Variants in TRIP10 observed in about 807,000 individuals in gnomAD.
TRIP10 encodes thyroid hormone receptor interactor 10.
TRIP10 carries 54 observed loss-of-function variants against 80.9 expected under a neutral mutation model. That is an observed-to-expected ratio of 0.67 (90% CI 0.54 to 0.84). TRIP10 has a LOEUF of 0.84. Among genes scored for constraint, TRIP10 ranks in the 40% least tolerant of loss-of-function variants. The pLI, the probability that TRIP10 is intolerant of heterozygous loss-of-function variation, is 0.00. For missense variants in TRIP10, 773 were observed against 815.3 expected, an observed-to-expected ratio of 0.95 and a Z score of 0.63; for synonymous variants, 321 against 307.2, an observed-to-expected ratio of 1.04 and a Z score of -0.47.
At position 6,746,338 on chromosome 19, in the gene TRIP10, G is replaced by T; in HGVS notation, c.1153-114G>T. 1 of 1,536,882 alleles carries T rather than the reference G, an allele frequency of 6.5e-7. No homozygotes were observed. Among genetic ancestry groups the T allele is most frequent in the East Asian group, 2.4e-5 (1 of 42,488 alleles). The stretch of plus-strand genomic sequence containing the variant: ...CCCAGACCTGCTTTGCTCTGTGCAT[G>T]GCTTCGCTGTCAAGAACCATGGCTG... On this transcript the variant is annotated intron_variant, in intron 10 of 14. Coordinates refer to ENST00000313244, the MANE Select transcript of TRIP10 (RefSeq NM_001288962.2). The surrounding 1 kb of genome is among the most constrained non-coding windows in gnomAD (Gnocchi z 6.2).
Position 6,744,604 on chromosome 19 carries a change from T to A in TRIP10, c.693T>A (p.Tyr231Ter), listed in dbSNP as rs1432651872. Residue 231 changes from tyrosine to a stop codon, truncating the protein, a stop_gained, in exon 8 of 15, where the codon TAT becomes TAA. Transcript: ENST00000313244. LOFTEE classifies it high-confidence loss of function. This position sits in a 1 kb window ranked among gnomAD's most constrained non-coding sequence, Gnocchi z 4.9. The stretch of plus-strand genomic sequence containing the variant: ...GGGCCACCCGCCTGGGTGCCGGGTA[T>A]GGGCTCCTGTCGGAGGCCGAGCTGG... ...ERRATRLGAG[Y>*]GLLSEAELEV... is the part of the protein sequence containing the mutation. 6.2e-7 allele frequency: 1 copy of A among 1,614,030 alleles called. No individual in the cohort carries two copies. Among genetic ancestry groups the A allele is most frequent in the Non-Finnish European group, 8.5e-7 (1 of 1,180,006 alleles).
At chr19:6,749,159 C>T (rs1441264753) in intron 11 of TRIP10, among the ~76,000 whole-genome samples, 2 of 152,008 alleles carry the variant, frequency 1.3e-5, no homozygotes, top group Admixed American at 6.6e-5. Flanking sequence ...CCAGGCTGGT[C>T]TTGAACTCCT....
At position 6,750,075 on chromosome 19, in the gene TRIP10, A is replaced by T; in HGVS notation, c.1395+9A>T. ...AAGTGCAGAAGTATGAGGTCAGGAA[A>T]GACCCTGGGGAGGGGCGGGAGCCAG... is the stretch of plus-strand genomic sequence containing the variant. On this transcript the variant is annotated intron_variant, in intron 12 of 14. Coordinates refer to ENST00000313244, the MANE Select transcript of TRIP10 (RefSeq NM_001288962.2). 6.7e-7 allele frequency: 1 copy of T among 1,495,274 alleles called. No individual in the cohort carries two copies. The highest frequency in any genetic ancestry group is 9.0e-7 in the Non-Finnish European group (1 of 1,110,296). The allele number at this position is 1,495,274 out of a possible 1,614,324, so 92.6% of individuals were successfully genotyped here. A position where few individuals can be genotyped will look rare whatever the true frequency, so the allele number is the denominator to read the frequency against.
chr19:6,745,170 C>A lies in TRIP10; in HGVS notation c.984+176C>A. ...GCGGCCGATTGGCCTGGGAGTCCCC[C>A]GAGGCGAAGGCGGGGGCAGGGTGGG... On this transcript the variant is annotated intron_variant, in intron 9 of 14. Transcript: ENST00000313244. This position sits in a 1 kb window ranked among gnomAD's most constrained non-coding sequence, Gnocchi z 7.2. 3 of 883,172 alleles carry A rather than the reference C, an allele frequency of 3.4e-6. No homozygotes were observed. Among genetic ancestry groups the A allele is most frequent in the Non-Finnish European group, 5.0e-6 (3 of 605,990 alleles). The allele number at this position is 883,172 out of a possible 1,614,324, so 54.7% of individuals were successfully genotyped here. A position where few individuals can be genotyped will look rare whatever the true frequency, so the allele number is the denominator to read the frequency against.
Position 6,745,879 on chromosome 19 carries a change from C to G in TRIP10, c.985-150C>G. On this transcript the variant is annotated intron_variant, in intron 9 of 14. Coordinates refer to ENST00000313244, the MANE Select transcript of TRIP10 (RefSeq NM_001288962.2). The surrounding 1 kb of genome is among the most constrained non-coding windows in gnomAD (Gnocchi z 7.2). ...TTGTGGTTTTCTTACCGTTTTTTTT[C>G]TTTCTCCATTTTGTTTTTCCTTTTT... 8.0e-7 allele frequency: 1 copy of G among 1,244,098 alleles called. No homozygotes were observed. Among genetic ancestry groups the G allele is most frequent in the East Asian group, 3.3e-5 (1 of 30,332 alleles). 77.1% of individuals were successfully genotyped at this position (1,244,098 alleles called of 1,614,324 possible).
Position 6,750,248 on chromosome 19 carries a change from C to A in TRIP10, c.1396-44C>A, listed in dbSNP as rs570829167. Reference sequence around the variant, plus strand: ...CCTCTGGGTCCAAAGTGGGCTGACCCCGGAGCTCTGCCCTGGAACGATTTT... The same window carrying A: ...CCTCTGGGTCCAAAGTGGGCTGACCACGGAGCTCTGCCCTGGAACGATTTT... On this transcript the variant is annotated intron_variant, in intron 12 of 14. Coordinates refer to ENST00000313244, the MANE Select transcript of TRIP10 (RefSeq NM_001288962.2). The A allele has an allele frequency of 3.4e-5, 55 of 1,609,194 alleles. No individual in the cohort carries two copies. In the South Asian group the frequency reaches 5.4e-4, roughly 16 times the overall value.
At chr19:6,750,687 A>G in intron 14 of TRIP10, 54 bp downstream of exon 14, 2 of 1,604,092 alleles carry the variant, frequency 1.2e-6, no homozygotes, top group Middle Eastern at 1.7e-4. Context: ...GTCTCTGGCT[A>G]GGTTCAGTTT....
rs1417295949 is a variant in TRIP10, at chr19:6,748,532, T to G, written c.1263-1402T>G. 2.0e-5 allele frequency: 3 copies of G among 152,230 alleles called. No individual in the cohort carries two copies. In the East Asian group the frequency reaches 5.8e-4, roughly 29 times the overall value. 9.4% of individuals were successfully genotyped at this position (152,230 alleles called of 1,614,324 possible). ...GAAGTTGGCAGGGTGCAGTGGTTTA[T>G]GCCTGTAATCCAAGCACTTTGGGAG... On this transcript the variant is annotated intron_variant, in intron 11 of 14. Coordinates refer to ENST00000313244, the MANE Select transcript of TRIP10 (RefSeq NM_001288962.2).
chr19:6,746,017 C>G lies in TRIP10; in HGVS notation c.985-12C>G, dbSNP rs544584084. 23 of 1,048,890 alleles carry G rather than the reference C, an allele frequency of 2.2e-5. 1 individual carries two copies. The East Asian group carries it at 8.4e-4, about 38-fold the overall frequency. 65.0% of individuals were successfully genotyped at this position (1,048,890 alleles called of 1,614,324 possible). ...CCTTCAACCTATCCCCCTCCCCGGC[C>G]CCCGCCGGTAGCCTCGCCCCCCACC... On this transcript the variant is annotated splice_polypyrimidine_tract_variant and intron_variant, in intron 9 of 14. Transcript: ENST00000313244. This position sits in a 1 kb window ranked among gnomAD's most constrained non-coding sequence, Gnocchi z 6.2.
chr19:6,750,408 C>T lies in TRIP10; in HGVS notation c.1512C>T (p.Ser504=), dbSNP rs373824686. 1.6e-5 allele frequency: 26 copies of T among 1,614,112 alleles called. No homozygotes were observed. The highest frequency in any genetic ancestry group is 2.2e-5 in the East Asian group (1 of 44,882). ...CCCCGCCAGACAGCAGCAGCAACAGCGCATCACAGGACACCAAGGAGAGGT... is the reference window on the plus strand; with the variant it reads ...CCCCGCCAGACAGCAGCAGCAACAGTGCATCACAGGACACCAAGGAGAGGT... ...ASAPPDSSSN[S]ASQDTKESSE... The change falls in exon 13 of 15, where the codon AGC becomes AGT. Residue 504 remains serine, a synonymous_variant. Transcript: ENST00000313244.
Position 6,743,789 on chromosome 19 carries a change from C to A in TRIP10, c.595C>A (p.Arg199=), listed in dbSNP as rs1285236791. The A allele has an allele frequency of 1.2e-6, 2 of 1,614,086 alleles. No individual in the cohort carries two copies. The highest frequency in any genetic ancestry group is 2.2e-5 in the East Asian group (1 of 44,886). Residue 199 remains arginine, a synonymous_variant, in exon 7 of 15, where the codon CGA becomes AGA. Coordinates refer to ENST00000313244, the MANE Select transcript of TRIP10 (RefSeq NM_001288962.2). ...EYAAQLQRFN[R]DQAHFYFSQM... ...TGCGGCTCAACTGCAGCGCTTCAAC[C>A]GAGACCAAGCCCACTTCTATTTTTC... is the stretch of plus-strand genomic sequence containing the variant.
chr19:6,740,502 G>A (rs1968881493), intron 1 of TRIP10, among the ~76,000 whole-genome samples: 2 of 152,196 alleles, frequency 1.3e-5, no homozygotes. Flanking sequence ...CCAATTCTGC[G>A]ATTTCTTTTG....
At position 6,745,598 on chromosome 19, in the gene TRIP10, CCTGT is replaced by C. The variant is rs1969094235; in HGVS notation, c.985-427_985-424del. ...TATTTTTGTCCTCTGTGGCCTCTTA[CCTGT>C]CTGAGACCTTGATTCCTGCATGCGT... On this transcript the variant is annotated intron_variant, in intron 9 of 14. Coordinates refer to ENST00000313244, the MANE Select transcript of TRIP10 (RefSeq NM_001288962.2). This position sits in a 1 kb window ranked among gnomAD's most constrained non-coding sequence, Gnocchi z 7.2. 5.1e-6 allele frequency: 5 copies of C among 985,248 alleles called. No individual in the cohort carries two copies. The highest frequency in any genetic ancestry group is 6.0e-6 in the Non-Finnish European group (5 of 829,924). 61.0% of individuals were successfully genotyped at this position (985,248 alleles called of 1,614,324 possible).
At chr19:6,741,631 G>A (rs544659478) in intron 3 of TRIP10, among the ~76,000 whole-genome samples, 2 of 152,242 alleles carry the variant, frequency 1.3e-5, no homozygotes, top group East Asian at 1.9e-4. Context: ...CTCCAGCTTT[G>A]TAGGGCTTTC....
At chr19:6,747,256 G>T (rs163912) in intron 11 of TRIP10, among the ~76,000 whole-genome samples, 80,421 of 151,974 alleles carry the variant, frequency 0.53, 22,604 homozygotes, top group African/African-American at 0.74. Flanking sequence ...CCTGGGAAAT[G>T]GAGACTACAG....
chr19:6,749,179 T>C (rs189971311), intron 11 of TRIP10, among the ~76,000 whole-genome samples: 2 of 152,268 alleles, frequency 1.3e-5, no homozygotes, highest in East Asian at 3.9e-4. Flanking sequence ...TGGCCTCAAG[T>C]GATCCTTCCA....
In TRIP10 at chr19:6,747,084, G is replaced by C. The variant is rs371942281; in HGVS notation, c.1262+523G>C. 3.5e-3 allele frequency among the ~76,000 whole-genome samples: 540 copies of C among 152,350 alleles called. 5 individuals are homozygous for C. Among genetic ancestry groups the C allele is most frequent in the Middle Eastern group, 0.017 (5 of 294 alleles). ...TGTGCCTGCAATCCCAGCATTTTGG[G>C]AGGTTGAGGCAGGAGGATCATCTGA... On this transcript the variant is annotated intron_variant, in intron 11 of 14. Transcript: ENST00000313244.
rs1471639798 is a variant in TRIP10 at position 6,746,445 on chromosome 19, C to T, written c.1153-7C>T. On this transcript the variant is annotated splice_polypyrimidine_tract_variant and splice_region_variant and intron_variant, in intron 10 of 14. Coordinates refer to ENST00000313244, the MANE Select transcript of TRIP10 (RefSeq NM_001288962.2). The surrounding 1 kb of genome is among the most constrained non-coding windows in gnomAD (Gnocchi z 6.2). ...ATCCCAAATTCAGCCCTCTACCCAC[C>T]TTGCAGACAGTGGTGACCGAGGATT... 2 of 1,614,026 alleles carry T rather than the reference C, an allele frequency of 1.2e-6. No individual in the cohort carries two copies. The highest frequency in any genetic ancestry group is 2.2e-5 in the East Asian group (1 of 44,880).
intron 11 of TRIP10, 83 bp from the exon 12 acceptor site, chr19:6,749,851 G>T: frequency 6.5e-7 from 1 of 1,547,586 alleles, no homozygotes. Context: ...ATGAGACCCT[G>T]ACTCAAACAA....
Sources: allele counts gnomAD v4.1 joint callset (sites outside exome capture counted in the v4.1 genomes callset), GRCh38; gene constraint gnomAD v4.1.1; non-coding constraint Gnocchi (gnomAD v3.1); transcripts MANE v1.5; gene names NCBI Gene and HGNC (gene_info 2026-07-23, HGNC 2026-07-21).